Variants in PARD3 observed in about 807,000 individuals in gnomAD.
PARD3 encodes the protein par-3 family cell polarity regulator.
In PARD3, 75 loss-of-function variants were observed where a neutral mutation model predicts 155.4. The ratio of observed to expected loss-of-function variants is 0.48; its 90% confidence interval spans 0.40 to 0.58. PARD3 has a LOEUF of 0.58. Ranked by LOEUF, PARD3 falls within the 20% of genes least tolerant of loss-of-function variation. PARD3 has a pLI of 0.00. For synonymous variants in PARD3, 576 were observed against 610.5 expected, an observed-to-expected ratio of 0.94 and a Z score of 0.83; for missense variants, 1,642 against 1,721.7, an observed-to-expected ratio of 0.95 and a Z score of 0.82.
chr10:34,228,537 T>C (rs1186256683), intron 22 of PARD3, among the ~76,000 whole-genome samples: 1 of 152,092 alleles, frequency 6.6e-6, no homozygotes, highest in Non-Finnish European at 1.5e-5. Context: ...GCTGGGATTT[T>C]TGTGGATAGA....
intron 2 of PARD3, among the ~76,000 whole-genome samples, chr10:34,644,336 T>C (rs1306935809): frequency 2.0e-5 from 3 of 152,200 alleles, no homozygotes; most frequent in Non-Finnish European, 4.4e-5. Context: ...CTAAGCTTAA[T>C]ATTTTAAAAC....
At chr10:34,343,557 A>T in intron 15 of PARD3, 1 of 985,196 alleles carries the variant, frequency 1.0e-6, no homozygotes, top group Non-Finnish European at 1.2e-6. Flanking sequence ...AGATTTGAAA[A>T]CCCATATTTT....
intron 22 of PARD3, among the ~76,000 whole-genome samples, chr10:34,226,157 G>C (rs535150030): frequency 6.6e-6 from 1 of 152,116 alleles, no homozygotes; most frequent in Admixed American, 6.6e-5. Flanking sequence ...AAGAAAATAG[G>C]CTATTAATCA....
chr10:34,370,232 C>T (rs1464183106), intron 12 of PARD3, among the ~76,000 whole-genome samples: 1 of 152,170 alleles, frequency 6.6e-6, no homozygotes, highest in Non-Finnish European at 1.5e-5. Flanking sequence ...AAGTCAGACA[C>T]ATGTAAAAGT....
chr10:34,457,458 A>AACAGCT (rs2077398104), intron 4 of PARD3, among the ~76,000 whole-genome samples: 2 of 152,230 alleles, frequency 1.3e-5, no homozygotes, highest in African/African-American at 4.8e-5. Flanking sequence ...GAAGCTAGAC[A>AACAGCT]ACAGCTAGGT....
At position 34,750,462 on chromosome 10, in the gene PARD3, AACACACACACACACACAC is replaced by A. The variant is rs71033348; in HGVS notation, c.121-54061_121-54044del. The stretch of plus-strand genomic sequence containing the variant: ...AGTTACATCCTCTTTCTCTCTTTCA[AACACACACACACACACAC>A]ACACACACACACACACACACACACA... On this transcript the variant is annotated intron_variant, in intron 1 of 24. Transcript: ENST00000374788. Among the ~76,000 whole-genome samples the A allele has an allele frequency of 1.8e-4, 25 of 135,922 alleles. No individual in the cohort carries two copies. The South Asian group carries it at 1.9e-3, about 10-fold the overall frequency. The allele number at this position is 135,922 out of a possible 152,430, so 89.2% of individuals were successfully genotyped here.
intron 3 of PARD3, among the ~76,000 whole-genome samples, chr10:34,474,755 C>T (rs2078597241): frequency 6.6e-6 from 1 of 152,174 alleles, no homozygotes; most frequent in Non-Finnish European, 1.5e-5. Flanking sequence ...CTATTAAGTT[C>T]CATTCCTAGC....
In PARD3 at chr10:34,432,294, T is replaced by C. The variant is rs1481810197; in HGVS notation, c.714+18023A>G. Reference sequence around the variant, plus strand: ...CTAGTCAAAAGGAATATGGCTGAAATGAGAACAGGTGCTGTGAAAATAGAA... The same window carrying C: ...CTAGTCAAAAGGAATATGGCTGAAACGAGAACAGGTGCTGTGAAAATAGAA... On this transcript the variant is annotated intron_variant, in intron 5 of 24. Transcript: ENST00000374788. Among the ~76,000 whole-genome samples the C allele has an allele frequency of 2.8e-5, 4 of 144,252 alleles. No individual in the cohort carries two copies. In the East Asian group the frequency reaches 8.3e-4, roughly 30 times the overall value. 94.6% of individuals were successfully genotyped at this position (144,252 alleles called of 152,430 possible).
At chr10:34,357,737 A>G (rs1839037032) in intron 14 of PARD3, among the ~76,000 whole-genome samples, 1 of 152,158 alleles carries the variant, frequency 6.6e-6, no homozygotes, top group Non-Finnish European at 1.5e-5. Flanking sequence ...TTTTTTAGTT[A>G]AGGTTATGTT....
chr10:34,616,243 G>T (rs932954297), intron 2 of PARD3, among the ~76,000 whole-genome samples: 6 of 152,100 alleles, frequency 3.9e-5, no homozygotes, highest in Non-Finnish European at 8.8e-5. Context: ...TTTGAACCCA[G>T]GAGGTGGACT....
At chr10:34,159,208 T>C (rs934328213) in intron 22 of PARD3, among the ~76,000 whole-genome samples, 5 of 152,154 alleles carry the variant, frequency 3.3e-5, no homozygotes, top group African/African-American at 1.2e-4. Flanking sequence ...AAGACCTAGG[T>C]TTTAGATTCT....
intron 1 of PARD3, among the ~76,000 whole-genome samples, chr10:34,714,129 CAAATGGCTCTGAA>C (rs1415084246): frequency 6.6e-6 from 1 of 152,058 alleles, no homozygotes; most frequent in Non-Finnish European, 1.5e-5. Context: ...TGATAAATTC[CAAATGGCTCTGAA>C]TCCTAAACAA....
intron 2 of PARD3, among the ~76,000 whole-genome samples, chr10:34,690,714 T>C (rs2094040698): frequency 6.6e-6 from 1 of 151,870 alleles, no homozygotes; most frequent in Non-Finnish European, 1.5e-5. Flanking sequence ...AAAGTCAAGG[T>C]GTAAAGAAGG....
intron 13 of PARD3, among the ~76,000 whole-genome samples, chr10:34,359,687 C>T (rs569283354): frequency 2.5e-4 from 38 of 152,264 alleles, no homozygotes; most frequent in Non-Finnish European, 4.9e-4. Flanking sequence ...AGAGAACTGT[C>T]CCCTTAACAA....
intron 2 of PARD3, among the ~76,000 whole-genome samples, chr10:34,680,722 A>T (rs1167629743): frequency 6.6e-6 from 1 of 151,694 alleles, no homozygotes; most frequent in African/African-American, 2.4e-5. Flanking sequence ...TTCTCAGTAA[A>T]CTATCGCAAG....
At chr10:34,623,603 A>C (rs943750295) in intron 2 of PARD3, among the ~76,000 whole-genome samples, 3 of 152,162 alleles carry the variant, frequency 2.0e-5, no homozygotes, top group Non-Finnish European at 4.4e-5. Context: ...TTAACTAGGT[A>C]CATCTCAGCA....
intron 22 of PARD3, among the ~76,000 whole-genome samples, chr10:34,145,175 T>TTGTGTGTG (rs756883064): frequency 4.3e-5 from 5 of 115,134 alleles, no homozygotes; most frequent in African/African-American, 1.9e-4. Context: ...CAACTCTTCA[T>TTGTGTGTG]TGTGTGTGTG....
At chr10:34,623,209 A>C (rs1046836454) in intron 2 of PARD3, among the ~76,000 whole-genome samples, 1 of 152,226 alleles carries the variant, frequency 6.6e-6, no homozygotes, top group African/African-American at 2.4e-5. Flanking sequence ...TGTGTCATTA[A>C]CACATACAAG....
intron 1 of PARD3, among the ~76,000 whole-genome samples, chr10:34,786,946 TGTTA>T (rs1841044234): frequency 2.7e-5 from 4 of 147,666 alleles, no homozygotes; most frequent in Admixed American, 2.7e-4. Context: ...TCTAAACACA[TGTTA>T]TCTAAAACGA....
Sources: gnomAD v4.1 joint callset for allele counts (sites outside exome capture counted in the v4.1 genomes callset) on GRCh38, gnomAD v4.1.1 for gene constraint, MANE v1.5 for transcripts, NCBI Gene and HGNC (gene_info 2026-07-23, HGNC 2026-07-21) for gene names.